Variants in CNTN4 observed in about 807,000 individuals in gnomAD.
The protein encoded by CNTN4 is contactin 4, also known as contactin-4.
CNTN4 carries 77 observed loss-of-function variants against 122.5 expected under a neutral mutation model. The ratio of observed to expected loss-of-function variants is 0.63; its 90% CI spans 0.52 to 0.76. The LOEUF (loss-of-function observed/expected upper bound fraction) is 0.76, where lower values mean the gene tolerates loss of function less well. CNTN4 is among the 30% of genes least tolerant of loss of function. CNTN4 has a pLI of 0.00. For missense variants in CNTN4, 1,256 were observed against 1,259.1 expected, an observed-to-expected ratio of 1.00 and a Z score of 0.04; for synonymous variants, 512 against 447.0, an observed-to-expected ratio of 1.15 and a Z score of -1.83.
At chr3:2,777,830 A>G (rs929693201) in intron 6 of CNTN4, among the ~76,000 whole-genome samples, 6 of 152,190 alleles carry the variant, frequency 3.9e-5, no homozygotes, top group Non-Finnish European at 7.3e-5. Flanking sequence ...TTTAAAAGAT[A>G]TATTTCTCTT....
rs181583209 is a variant in CNTN4 at position 3,056,294 on chromosome 3, C to T, written c.*74C>T. 4.7e-6 allele frequency: 5 copies of T among 1,064,410 alleles called. No individual in the cohort carries two copies. Among genetic ancestry groups the T allele is most frequent in the Middle Eastern group, 2.0e-4 (1 of 4,984 alleles). The allele number at this position is 1,064,410 out of a possible 1,614,324, so 65.9% of individuals were successfully genotyped here. Reference sequence around the variant, plus strand: ...CTAGTTGTTTTGAAGACACCCAGTACTAAGTAATATTGTTGTTCAAGTACA... The same window carrying T: ...CTAGTTGTTTTGAAGACACCCAGTATTAAGTAATATTGTTGTTCAAGTACA... On this transcript the variant is annotated 3_prime_UTR_variant, in exon 25 of 25. Transcript: ENST00000418658.
chr3:2,429,864 G>A (rs1487451805), intron 3 of CNTN4, among the ~76,000 whole-genome samples: 3 of 152,142 alleles, frequency 2.0e-5, no homozygotes, highest in African/African-American at 7.2e-5. Context: ...GGCTCCGTGG[G>A]CATGGGACCC....
chr3:2,500,420 TA>T (rs2076565561), intron 3 of CNTN4, among the ~76,000 whole-genome samples: 1 of 152,166 alleles, frequency 6.6e-6, no homozygotes, highest in African/African-American at 2.4e-5. Flanking sequence ...GATAAAAGTA[TA>T]AAATTATATT....
chr3:2,438,103 C>T (rs1228445429), intron 3 of CNTN4, among the ~76,000 whole-genome samples: 3 of 152,148 alleles, frequency 2.0e-5, no homozygotes, highest in East Asian at 1.9e-4. Flanking sequence ...TATTGACCTC[C>T]GCAAGGTCAT....
At chr3:2,886,416 A>G (rs919604210) in intron 9 of CNTN4, among the ~76,000 whole-genome samples, 2 of 146,082 alleles carry the variant, frequency 1.4e-5, no homozygotes, top group African/African-American at 5.0e-5. Context: ...AAAATATATT[A>G]AAAAAAAAAG....
chr3:2,162,003 A>G (rs2035984686), intron 2 of CNTN4, among the ~76,000 whole-genome samples: 1 of 152,250 alleles, frequency 6.6e-6, no homozygotes, highest in South Asian at 2.1e-4. Flanking sequence ...GCCATTTTAC[A>G]GAAGGTATTG....
chr3:2,548,989 G>C (rs1429556593), intron 3 of CNTN4, among the ~76,000 whole-genome samples: 3 of 152,140 alleles, frequency 2.0e-5, no homozygotes, highest in African/African-American at 2.4e-5. Flanking sequence ...TCTATTTTTG[G>C]TGTTTAGGAA....
chr3:2,626,101 G>T (rs181315702), intron 4 of CNTN4, among the ~76,000 whole-genome samples: 1 of 152,172 alleles, frequency 6.6e-6, no homozygotes, highest in Non-Finnish European at 1.5e-5. Context: ...CTCTTGAGTT[G>T]CACACGTATT....
chr3:2,738,180 A>C (rs958345219), intron 5 of CNTN4, among the ~76,000 whole-genome samples: 1 of 152,222 alleles, frequency 6.6e-6, no homozygotes, highest in Non-Finnish European at 1.5e-5. Flanking sequence ...TACAAATAAA[A>C]ATGAAGCCAC....
intron 4 of CNTN4, among the ~76,000 whole-genome samples, chr3:2,596,017 C>T (rs1335560718): frequency 3.9e-5 from 6 of 152,096 alleles, no homozygotes; most frequent in Non-Finnish European, 7.3e-5. Context: ...TATTAGATGA[C>T]ATCATTCTCA....
chr3:2,700,102 A>G lies in CNTN4; in HGVS notation c.56-36113A>G, dbSNP rs112801578. On this transcript the variant is annotated intron_variant, in intron 4 of 24. Transcript: ENST00000418658. ...CTACTGAGCCACAGAGAAATTACAC[A>G]GCAAGCAGTAGACATGGTGCCTGAA... Among the ~76,000 whole-genome samples the G allele has an allele frequency of 1.3e-3, 200 of 152,258 alleles. 2 individuals are homozygous for G. The highest frequency in any genetic ancestry group is 4.2e-3 in the African/African-American group (176 of 41,564).
intron 3 of CNTN4, among the ~76,000 whole-genome samples, chr3:2,506,785 G>A (rs1231806572): frequency 6.6e-6 from 1 of 152,148 alleles, no homozygotes; most frequent in Non-Finnish European, 1.5e-5. Context: ...CCTATGAGTT[G>A]TGTGCATTTC....
chr3:2,900,545 C>G (rs1325784431), intron 10 of CNTN4, 140 bp from the exon 11 acceptor site: 1 of 917,904 alleles, frequency 1.1e-6, no homozygotes, highest in African/African-American at 1.6e-5. Context: ...CCCTGAATGT[C>G]TCCCCAGTCT....
intron 6 of CNTN4, among the ~76,000 whole-genome samples, chr3:2,756,964 A>G (rs552447455): frequency 6.6e-6 from 1 of 152,316 alleles, no homozygotes; most frequent in East Asian, 1.9e-4. Flanking sequence ...AAACAGGCCA[A>G]CATATGCACA....
At chr3:2,937,715 A>C (rs1430425703) in intron 13 of CNTN4, among the ~76,000 whole-genome samples, 1 of 152,194 alleles carries the variant, frequency 6.6e-6, no homozygotes, top group African/African-American at 2.4e-5. Context: ...TATAGTCCAA[A>C]CAGAATCCAC....
intron 3 of CNTN4, among the ~76,000 whole-genome samples, chr3:2,535,778 C>G (rs531468565): frequency 1.1e-4 from 16 of 152,084 alleles, no homozygotes; most frequent in African/African-American, 3.6e-4. Flanking sequence ...AAGAGAAAAC[C>G]TTTTTTTGTC....
chr3:2,780,007 A>C (rs772568091), intron 6 of CNTN4, among the ~76,000 whole-genome samples: 1 of 152,236 alleles, frequency 6.6e-6, no homozygotes, highest in South Asian at 2.1e-4. Flanking sequence ...CATTTTAAGT[A>C]CTCACTGATA....
At chr3:2,893,191 T>TG (rs1487139316) in intron 10 of CNTN4, among the ~76,000 whole-genome samples, 1 of 152,214 alleles carries the variant, frequency 6.6e-6, no homozygotes, top group African/African-American at 2.4e-5. Context: ...CTAGAGCCTT[T>TG]GTGCTACAGT....
In CNTN4 at chr3:2,821,046, C is replaced by G. The variant is rs188783917; in HGVS notation, c.454+1465C>G. Among the ~76,000 whole-genome samples, 3 of 144,984 alleles carry G rather than the reference C, an allele frequency of 2.1e-5. No individual in the cohort carries two copies. In the East Asian group the frequency reaches 6.2e-4, roughly 30 times the overall value. Reference sequence around the variant, plus strand: ...GTGCAATCTCGGCTCACTGCAACCTCTGCCTCCCAGGTTCAATCGATTCTC... The same window carrying G: ...GTGCAATCTCGGCTCACTGCAACCTGTGCCTCCCAGGTTCAATCGATTCTC... On this transcript the variant is annotated intron_variant, in intron 7 of 24. Coordinates refer to ENST00000418658, the MANE Select transcript of CNTN4 (RefSeq NM_175607.3).
Sources: gnomAD v4.1 joint callset for allele counts (sites outside exome capture counted in the v4.1 genomes callset) on GRCh38, gnomAD v4.1.1 for gene constraint, MANE v1.5 for transcripts, NCBI Gene and HGNC (gene_info 2026-07-23, HGNC 2026-07-21) for gene names.